Variants in NBAS observed in about 807,000 individuals in gnomAD.
The protein encoded by NBAS is NAG/BC035112 fusion.
Under a neutral mutation model 302.5 loss-of-function variants are expected in NBAS, and 219 were observed. The observed-to-expected ratio is 0.72, with a 90% CI of 0.65 to 0.81. NBAS has a LOEUF of 0.81. Among genes scored for constraint, NBAS ranks in the 30% least tolerant of loss-of-function variants. The pLI is 0.00. For missense variants in NBAS, 2,932 were observed against 2,841.6 expected (o/e 1.03, Z -0.72); for synonymous variants, 1,118 against 1,021.6 (o/e 1.09, Z -1.80).
intron 48 of NBAS, among the ~76,000 whole-genome samples, chr2:15,200,122 C>T (rs948269739): frequency 3.3e-5 from 5 of 151,996 alleles, no homozygotes; most frequent in African/African-American, 1.2e-4. Context: ...TGGTCTTGAA[C>T]TCCTGGGATC....
At chr2:15,118,599 A>C in the NBAS span, among the ~76,000 whole-genome samples, 1 of 152,154 alleles carries the variant, frequency 6.6e-6, no homozygotes, top group African/African-American at 2.4e-5. Flanking sequence ...GGGAGCCCTG[A>C]GCCTCTATGC....
At chr2:14,814,974 T>G in the NBAS span, among the ~76,000 whole-genome samples, 1 of 152,176 alleles carries the variant, frequency 6.6e-6, no homozygotes, top group South Asian at 2.1e-4. Flanking sequence ...TTTAAAAATG[T>G]GTAGCACTTT....
the NBAS span, among the ~76,000 whole-genome samples, chr2:15,094,033 T>C: frequency 6.6e-6 from 1 of 152,200 alleles, no homozygotes; most frequent in South Asian, 2.1e-4. Context: ...GTATTCATTG[T>C]TAATAATAGT....
intron 42 of NBAS, among the ~76,000 whole-genome samples, chr2:15,286,556 A>T (rs1022503578): frequency 6.6e-6 from 1 of 152,196 alleles, no homozygotes; most frequent in Middle Eastern, 3.2e-3. Context: ...GTTCCTAATC[A>T]AAGGGCCTTT....
At chr2:15,501,609 A>G (rs1158963929) in intron 11 of NBAS, among the ~76,000 whole-genome samples, 3 of 31,882 alleles carry the variant, frequency 9.4e-5, no homozygotes, top group Non-Finnish European at 3.1e-4. Context: ...TTTTTTTTTG[A>G]GACGGAGTCT....
chr2:15,373,507 T>C (rs1255413518), intron 31 of NBAS, among the ~76,000 whole-genome samples: 1 of 152,154 alleles, frequency 6.6e-6, no homozygotes, highest in East Asian at 1.9e-4. Context: ...ACTTCTTTAA[T>C]TTTTGTAGAG....
rs554700153 is a variant in NBAS at position 15,386,215 on chromosome 2, C to A, written c.3258-2898G>T. Among the ~76,000 whole-genome samples, 268 of 152,166 alleles carry A rather than the reference C, an allele frequency of 1.8e-3. 1 individual carries two copies. Among genetic ancestry groups the A allele is most frequent in the African/African-American group, 6.2e-3 (257 of 41,524 alleles). ...ACACCGTATAGCTGCAAGAGACAGTCAGAGAGGTAGATACAAAACGCTTAG... is the reference window on the plus strand; with the variant it reads ...ACACCGTATAGCTGCAAGAGACAGTAAGAGAGGTAGATACAAAACGCTTAG... On this transcript the variant is annotated intron_variant, in intron 28 of 51. Transcript: ENST00000281513.
intron 35 of NBAS, among the ~76,000 whole-genome samples, chr2:15,349,175 T>C (rs1673234474): frequency 6.6e-6 from 1 of 151,860 alleles, no homozygotes; most frequent in Non-Finnish European, 1.5e-5. Context: ...GCAGGCAGAG[T>C]AGGAGATGTG....
intron 40 of NBAS, among the ~76,000 whole-genome samples, chr2:15,302,897 T>C (rs1435597837): frequency 6.6e-6 from 1 of 152,162 alleles, no homozygotes; most frequent in Non-Finnish European, 1.5e-5. Flanking sequence ...TTCATCTTTC[T>C]CCCATGCTGG....
chr2:15,230,474 G>C (rs1667337289), intron 47 of NBAS, among the ~76,000 whole-genome samples: 1 of 146,034 alleles, frequency 6.8e-6, no homozygotes, highest in African/African-American at 2.5e-5. Context: ...AGAATAAAAA[G>C]TAAGATCTTG....
the NBAS span, among the ~76,000 whole-genome samples, chr2:14,874,768 A>C: frequency 2.0e-5 from 3 of 146,744 alleles, no homozygotes; most frequent in African/African-American, 8.2e-5. Context: ...CATACTTGGA[A>C]AATACAATTT....
At chr2:15,452,431 T>TAAAAAATA (rs372478013) in intron 21 of NBAS, among the ~76,000 whole-genome samples, 114,392 of 151,024 alleles carry the variant, frequency 0.76, 44,518 homozygotes, top group African/African-American at 0.9. Flanking sequence ...CCGTCTCTAC[T>TAAAAAATA]AAAAAAATTA....
the NBAS span, among the ~76,000 whole-genome samples, chr2:14,981,296 G>A: frequency 6.6e-6 from 1 of 152,220 alleles, no homozygotes; most frequent in South Asian, 2.1e-4. Context: ...GAATCAAATT[G>A]GCATCACACA....
At chr2:14,849,781 T>A in the NBAS span, among the ~76,000 whole-genome samples, 1 of 142,710 alleles carries the variant, frequency 7.0e-6, no homozygotes, top group Non-Finnish European at 1.5e-5. Context: ...ATATTCAACA[T>A]TCTTAAAGAA....
chr2:15,528,245 G>C (rs1282721249), intron 9 of NBAS, among the ~76,000 whole-genome samples: 1 of 151,664 alleles, frequency 6.6e-6, no homozygotes, highest in African/African-American at 2.4e-5. Context: ...ATGCTTCCCT[G>C]CTCCTTCAAG....
the NBAS span, among the ~76,000 whole-genome samples, chr2:15,135,344 T>A: frequency 6.6e-6 from 1 of 152,200 alleles, no homozygotes; most frequent in African/African-American, 2.4e-5. Context: ...TGCTACCACT[T>A]ACTGGACTCT....
intron 51 of NBAS, among the ~76,000 whole-genome samples, chr2:15,173,629 A>T (rs1290594287): frequency 6.6e-6 from 1 of 152,240 alleles, no homozygotes; most frequent in Admixed American, 6.5e-5. Context: ...TCAGCATACC[A>T]TCAGTTTCAC....
At chr2:15,089,703 G>A in the NBAS span, among the ~76,000 whole-genome samples, 1 of 148,816 alleles carries the variant, frequency 6.7e-6, no homozygotes, top group African/African-American at 2.5e-5. Flanking sequence ...ATTTTTAAGT[G>A]AAATCATTGC....
At chr2:15,013,418 A>C in the NBAS span, among the ~76,000 whole-genome samples, 1 of 152,230 alleles carries the variant, frequency 6.6e-6, no homozygotes, top group African/African-American at 2.4e-5. Flanking sequence ...AATCAATACA[A>C]TCACAGGAGT....
Sources: allele counts gnomAD v4.1 joint callset (sites outside exome capture counted in the v4.1 genomes callset), GRCh38; gene constraint gnomAD v4.1.1; transcripts MANE v1.5; gene names NCBI Gene and HGNC (gene_info 2026-07-23, HGNC 2026-07-21).